Variants in RNF38 observed in about 807,000 individuals in gnomAD.
The protein encoded by RNF38 is E3 ubiquitin-protein ligase RNF38.
RNF38 carries 15 observed loss-of-function variants against 67.2 expected under a neutral mutation model. That is an observed-to-expected ratio of 0.22 (90% CI 0.15 to 0.34). The LOEUF (loss-of-function observed/expected upper bound fraction) is 0.34, where lower values mean the gene tolerates loss of function less well. RNF38 is among the 10% of genes least tolerant of loss of function. RNF38 has a pLI of 1.00. For synonymous variants in RNF38, 220 were observed against 218.8 expected, an observed-to-expected ratio of 1.01 and a Z score of -0.05; for missense variants, 524 against 639.9, an observed-to-expected ratio of 0.82 and a Z score of 1.95.
At chr9:36,366,674 T>A (rs1181584262) in intron 4 of RNF38, among the ~76,000 whole-genome samples, 1 of 152,216 alleles carries the variant, frequency 6.6e-6, no homozygotes, top group Non-Finnish European at 1.5e-5. Context: ...GCCTACTGAA[T>A]AGATGTGGTA....
At chr9:36,487,555 G>T, upstream of RNF38, 1 of 980,934 alleles carries the variant, frequency 1.0e-6, no homozygotes, top group Non-Finnish European at 1.2e-6. Context: ...CCGCGCTTCC[G>T]CTCATGGCGG....
intron 1 of RNF38, among the ~76,000 whole-genome samples, chr9:36,486,752 G>A (rs546121024): frequency 6.6e-6 from 1 of 151,976 alleles, no homozygotes; most frequent in South Asian, 2.1e-4. Context: ...GCTCCCCAGG[G>A]CACCACCAAG....
At chr9:36,436,950 A>T (rs1278825467) in intron 1 of RNF38, among the ~76,000 whole-genome samples, 1 of 152,220 alleles carries the variant, frequency 6.6e-6, no homozygotes, top group Non-Finnish European at 1.5e-5. Flanking sequence ...CCTAGTTCTA[A>T]AACAGAGAAG....
chr9:36,447,375 G>A (rs1440823563), intron 1 of RNF38, among the ~76,000 whole-genome samples: 2 of 152,114 alleles, frequency 1.3e-5, no homozygotes, highest in Non-Finnish European at 2.9e-5. Flanking sequence ...GGACAGTGCT[G>A]GGCACACAGT....
chr9:36,477,785 G>C (rs551331802), intron 1 of RNF38, among the ~76,000 whole-genome samples: 1 of 142,166 alleles, frequency 7.0e-6, no homozygotes, highest in East Asian at 2.1e-4. Flanking sequence ...TCGCACCACC[G>C]CACTCCAGCC....
chr9:36,461,847 G>T (rs892448620), intron 1 of RNF38, among the ~76,000 whole-genome samples: 5 of 152,174 alleles, frequency 3.3e-5, no homozygotes, highest in African/African-American at 1.2e-4. Context: ...GTTTGGACAT[G>T]TGAAGTATGA....
At chr9:36,343,002 T>C (rs1362304424) in intron 10 of RNF38, among the ~76,000 whole-genome samples, 4 of 152,246 alleles carry the variant, frequency 2.6e-5, no homozygotes, top group African/African-American at 9.6e-5. Flanking sequence ...TGGTATAGTA[T>C]TTGTGACCTA....
chr9:36,340,271 G>A (rs543503425), intron 11 of RNF38, among the ~76,000 whole-genome samples: 21 of 152,216 alleles, frequency 1.4e-4, no homozygotes, highest in Middle Eastern at 3.4e-3. Context: ...GAGCCACTGC[G>A]CCTGGCCGCC....
chr9:36,344,853 T>C lies in RNF38; in HGVS notation c.1364A>G (p.Asn455Ser), dbSNP rs1164018115. Residue 455 changes from asparagine to serine, a missense_variant, in exon 10 of 12, where the codon AAC (asparagine) becomes AGC (serine). By Grantham distance (46) the Asn-to-Ser change is conservative. Around this residue, in one of 2 missense-constraint regions of RNF38, gnomAD observed 63 missense variants for 122.5 expected, o/e 0.51. Transcript: ENST00000259605. ...TTACAAAGTCTGTTCTGACTGGTGG[T>C]TGTTAGGATTGAACCGATAAGAAGG... ...QLPSYRFNPN[N>S]HQSEQTLCVV... 2 of 1,613,850 alleles carry C rather than the reference T, an allele frequency of 1.2e-6. No homozygotes were observed. Among genetic ancestry groups the C allele is most frequent in the South Asian group, 1.1e-5 (1 of 91,064 alleles).
intron 10 of RNF38, among the ~76,000 whole-genome samples, chr9:36,344,257 C>T (rs1563993826): frequency 6.6e-6 from 1 of 152,164 alleles, no homozygotes; most frequent in Non-Finnish European, 1.5e-5. Context: ...ATAGGTGATC[C>T]ACTCGCCTCA....
intron 2 of RNF38, among the ~76,000 whole-genome samples, chr9:36,385,936 C>A (rs1305290148): frequency 6.6e-6 from 1 of 152,204 alleles, no homozygotes; most frequent in Non-Finnish European, 1.5e-5. Context: ...AGCATCTCGA[C>A]AACCAACTTT....
At chr9:36,365,283 G>A (rs1834857625) in intron 4 of RNF38, among the ~76,000 whole-genome samples, 1 of 152,080 alleles carries the variant, frequency 6.6e-6, no homozygotes, top group African/African-American at 2.4e-5. Flanking sequence ...AAGTTTTCCT[G>A]TGGTCAGGCA....
chr9:36,370,806 G>A (rs1479143961), intron 3 of RNF38, among the ~76,000 whole-genome samples: 1 of 151,974 alleles, frequency 6.6e-6, no homozygotes, highest in Non-Finnish European at 1.5e-5. Flanking sequence ...TACCTGGGAG[G>A]CTGAAGTGGG....
At position 36,440,539 on chromosome 9, in the gene RNF38, A is replaced by G. The variant is rs528488416; in HGVS notation, n.242-15856T>C. Among the ~76,000 whole-genome samples the G allele has an allele frequency of 3.3e-5, 5 of 152,324 alleles. 1 individual carries two copies. The East Asian group carries it at 9.6e-4, about 29-fold the overall frequency. On this transcript the variant is annotated intron_variant and non_coding_transcript_variant, in intron 1 of 3. Coordinates refer to the RNF38 transcript ENST00000488058. ...AGAGCGAAACTCCATCTCAAAAAAAAAAGAAAGAAAAAAAAGAAAAGAAAA... is the reference window on the plus strand; with the variant it reads ...AGAGCGAAACTCCATCTCAAAAAAAGAAGAAAGAAAAAAAAGAAAAGAAAA...
In RNF38 at chr9:36,357,824, G is replaced by A; in HGVS notation, c.689C>T (p.Ser230Phe). 6.2e-7 allele frequency: 1 copy of A among 1,613,922 alleles called. No homozygotes were observed. Among genetic ancestry groups the A allele is most frequent in the Non-Finnish European group, 8.5e-7 (1 of 1,179,908 alleles). The change falls in exon 5 of 12, where the codon TCT becomes TTT. Residue 230 changes from serine to phenylalanine, a missense_variant. Physicochemically the swap from Ser to Phe is radical, Grantham distance 155. Coordinates refer to ENST00000259605, the MANE Select transcript of RNF38 (RefSeq NM_022781.5). ...ACSTQQVPGC[S>F]VVFSGQHLPV... The stretch of plus-strand genomic sequence containing the variant: ...GAGGTGCTGTCCACTGAAAACCACA[G>A]AGCATCCTGGGACCTGCTGTGTACT...
chr9:36,369,848 G>C lies in RNF38; in HGVS notation c.441C>G (p.Leu147=). ...SISQDENYHH[L]PYAQQQAIEE... ...CTATTGCTTGCTGCTGTGCGTAAGG[G>C]AGATGGTGATAGTTTTCATCTTGAC... The change falls in exon 4 of 12, where the codon CTC becomes CTG. Residue 147 remains leucine, a synonymous_variant. Coordinates refer to ENST00000259605, the MANE Select transcript of RNF38 (RefSeq NM_022781.5). 1 of 1,613,918 alleles carries C rather than the reference G, an allele frequency of 6.2e-7. No homozygotes were observed. The highest frequency in any genetic ancestry group is 8.5e-7 in the Non-Finnish European group (1 of 1,180,036).
chr9:36,384,587 ATGTATTAGG>A lies in RNF38; in HGVS notation c.162+5871_162+5879del, dbSNP rs553969268. On this transcript the variant is annotated intron_variant, in intron 2 of 11. Coordinates refer to ENST00000259605, the MANE Select transcript of RNF38 (RefSeq NM_022781.5). ...TGAAGGGCTGAAAAATATCCACCAGATGTATTAGGTGAGTGCAAAAATAACTGCAGTTTA... is the reference window on the plus strand; with the variant it reads ...TGAAGGGCTGAAAAATATCCACCAGATGAGTGCAAAAATAACTGCAGTTTA... 1.3e-4 allele frequency among the ~76,000 whole-genome samples: 20 copies of A among 152,288 alleles called. No homozygotes were observed. In the East Asian group the frequency reaches 3.1e-3, roughly 24 times the overall value.
intron 2 of RNF38, among the ~76,000 whole-genome samples, chr9:36,413,967 T>C (rs1838394964): frequency 6.6e-6 from 1 of 152,240 alleles, no homozygotes; most frequent in Admixed American, 6.5e-5. Flanking sequence ...ACCAGTCCTT[T>C]TATCATTACA....
At chr9:36,436,407 A>G (rs1839066013) in intron 1 of RNF38, among the ~76,000 whole-genome samples, 1 of 152,246 alleles carries the variant, frequency 6.6e-6, no homozygotes, top group African/African-American at 2.4e-5. Context: ...ACTGCCTATT[A>G]TTAAAATAGT....
Sources: allele counts gnomAD v4.1 joint callset (sites outside exome capture counted in the v4.1 genomes callset), GRCh38; gene constraint gnomAD v4.1.1; regional missense constraint gnomAD v4.1.1; transcripts MANE v1.5; gene names NCBI Gene and HGNC (gene_info 2026-07-23, HGNC 2026-07-21).